Variants in CEP131 observed in about 807,000 individuals in gnomAD.
CEP131 encodes the protein centrosomal protein 131.
In CEP131, 99 loss-of-function variants were observed where a neutral mutation model predicts 136.8. The observed-to-expected ratio is 0.72, with a 90% CI of 0.62 to 0.86. The LOEUF is 0.86. Among genes scored for constraint, CEP131 ranks in the 40% least tolerant of loss-of-function variants. The pLI, the probability that CEP131 is intolerant of heterozygous loss-of-function variation, is 0.00. For missense variants in CEP131, 1,459 were observed against 1,463.0 expected (o/e 1.00, Z 0.04); for synonymous variants, 646 against 612.7 (o/e 1.05, Z -0.80).
In CEP131 at chr17:81,190,646, G is replaced by C. The variant is rs1300412717; in HGVS notation, c.3100C>G (p.His1034Asp). 6.3e-7 allele frequency: 1 copy of C among 1,588,938 alleles called. No homozygotes were observed. Among genetic ancestry groups the C allele is most frequent in the South Asian group, 1.1e-5 (1 of 89,296 alleles). ...GCAGCCCCCGCCGCCCACCTCCGGT[G>C]CACCTCCTCCAGCTCCAGCTGCTGG... is the stretch of plus-strand genomic sequence containing the variant. ...ARQQLELEEV[H>D]RRVKTALARK... The change falls in exon 24 of 26, where the codon CAC (histidine) becomes GAC (aspartate). Residue 1034 changes from histidine to aspartate, a missense_variant. Around this residue, in one of 3 missense-constraint regions of CEP131, gnomAD observed 1,026 missense variants for 964.2 expected, o/e 1.06. Coordinates refer to ENST00000450824, the MANE Select transcript of CEP131 (RefSeq NM_014984.4).
chr17:81,203,613 A>G lies in CEP131; in HGVS notation c.516-6T>C, dbSNP rs1200090777. 1.3e-6 allele frequency: 2 copies of G among 1,579,172 alleles called. No homozygotes were observed. Among genetic ancestry groups the G allele is most frequent in the East Asian group, 4.6e-5 (2 of 43,448 alleles). ...CCACTGCTCCCTTGTTGCTCCTGCC[A>G]GGCCGGAAGAGAGACAGGAATGGTC... is the stretch of plus-strand genomic sequence containing the variant. On this transcript the variant is annotated splice_polypyrimidine_tract_variant and splice_region_variant and intron_variant, in intron 5 of 25. Coordinates refer to ENST00000450824, the MANE Select transcript of CEP131 (RefSeq NM_014984.4). The surrounding 1 kb of genome is among the most constrained non-coding windows in gnomAD (Gnocchi z 4.6).
intron 13 of CEP131, 26 bp downstream of exon 13, chr17:81,197,686 C>T (rs1359617057): frequency 6.3e-7 from 1 of 1,590,250 alleles, no homozygotes; most frequent in Non-Finnish European, 8.6e-7. Context: ...CCACTGGGGG[C>T]CGGGTGCGGG....
At position 81,195,857 on chromosome 17, in the gene CEP131, T is replaced by G. The variant is rs2061742739; in HGVS notation, c.1994A>C (p.Gln665Pro). ...EDQRCTERVA[Q>P]AQAQHELEIK... ...CACCAGCTCGTGCTGCGCCTGTGCC[T>G]GGGCCACACGCTCGGTGCATCTCTG... The change falls in exon 16 of 26, where the codon CAG (glutamine) becomes CCG (proline). Residue 665 changes from glutamine to proline, a missense_variant. Around this residue, in one of 3 missense-constraint regions of CEP131, gnomAD observed 1,026 missense variants for 964.2 expected, o/e 1.06. Transcript: ENST00000450824. The G allele has an allele frequency of 1.9e-6, 3 of 1,606,432 alleles. No homozygotes were observed. Among genetic ancestry groups the G allele is most frequent in the Non-Finnish European group, 1.7e-6 (2 of 1,179,838 alleles).
rs1169959761 is a variant in CEP131 at position 81,203,557 on chromosome 17, C to T, written c.566G>A (p.Arg189His). The part of the protein sequence containing the change: ...GNCVTTMVHN[R>H]YTPSERAPPL... Reference sequence around the variant, plus strand: ...AGGCGCCCTCTCCGAGGGGGTGTAGCGGTTGTGCACCATGGTGGTGACGCA... The same window carrying T: ...AGGCGCCCTCTCCGAGGGGGTGTAGTGGTTGTGCACCATGGTGGTGACGCA... The change falls in exon 6 of 26, where the codon CGC becomes CAC. Residue 189 changes from arginine to histidine, a missense_variant. By Grantham distance (29) the Arg-to-His change is conservative. This residue lies in a region of CEP131 where 246 missense variants were observed against 318.9 expected (regional missense o/e 0.77). Transcript: ENST00000450824. The surrounding 1 kb of genome is among the most constrained non-coding windows in gnomAD (Gnocchi z 4.6). 5.0e-6 allele frequency: 8 copies of T among 1,608,054 alleles called. No individual in the cohort carries two copies. Among genetic ancestry groups the T allele is most frequent in the African/African-American group, 1.3e-5 (1 of 74,842 alleles).
At position 81,196,841 on chromosome 17, in the gene CEP131, CAG is replaced by C; in HGVS notation, c.1774-17_1774-16del. The C allele has an allele frequency of 6.3e-7, 1 of 1,597,866 alleles. No individual in the cohort carries two copies. Among genetic ancestry groups the C allele is most frequent in the Non-Finnish European group, 8.5e-7 (1 of 1,173,232 alleles). ...CGCTGCTGCGCCTGCAGGGTGTGGG[CAG>C]AGGAGGGAAGCGCTAGGACCGGTGG... On this transcript the variant is annotated splice_polypyrimidine_tract_variant and intron_variant, in intron 14 of 25. Coordinates refer to ENST00000450824, the MANE Select transcript of CEP131 (RefSeq NM_014984.4).
At chr17:81,202,184 T>G in intron 7 of CEP131, 56 bp downstream of exon 7, 6 of 635,624 alleles carry the variant, frequency 9.4e-6, no homozygotes, top group South Asian at 2.2e-5. Context: ...CCCTGATGCC[T>G]GCCCACCTCT....
chr17:81,212,987 C>G (rs2062168054), intron 2 of CEP131, among the ~76,000 whole-genome samples: 1 of 152,082 alleles, frequency 6.6e-6, no homozygotes, highest in African/African-American at 2.4e-5. Flanking sequence ...GACCACTCTC[C>G]AAGAAAAAGA....
rs1478103431 is a variant in CEP131, at chr17:81,215,876, A to G, written c.177+4004T>C. Among the ~76,000 whole-genome samples the G allele has an allele frequency of 6.6e-6, 1 of 152,176 alleles. No individual in the cohort carries two copies. The highest frequency in any genetic ancestry group is 1.5e-5 in the Non-Finnish European group (1 of 68,030). ...GAAAATCCAGAGGAGCACTGGGTGAAGTTCTGGTGCATCATCTGATGAACT... is the reference window on the plus strand; with the variant it reads ...GAAAATCCAGAGGAGCACTGGGTGAGGTTCTGGTGCATCATCTGATGAACT... On this transcript the variant is annotated intron_variant, in intron 2 of 25. Coordinates refer to ENST00000450824, the MANE Select transcript of CEP131 (RefSeq NM_014984.4). This position sits in a 1 kb window ranked among gnomAD's most constrained non-coding sequence, Gnocchi z 4.1.
At chr17:81,199,926 C>A in intron 8 of CEP131, 91 bp from the exon 9 acceptor site, 1 of 1,307,574 alleles carries the variant, frequency 7.6e-7, no homozygotes. Flanking sequence ...CCCTGGAGTC[C>A]CCTAGAGTTC....
rs2062059179 is a variant in CEP131 at position 81,208,266 on chromosome 17, AG to A, written c.272+661del. 6.6e-6 allele frequency among the ~76,000 whole-genome samples: 1 copy of A among 152,168 alleles called. No individual in the cohort carries two copies. On this transcript the variant is annotated intron_variant, in intron 3 of 25. Coordinates refer to ENST00000450824, the MANE Select transcript of CEP131 (RefSeq NM_014984.4). The surrounding 1 kb of genome is among the most constrained non-coding windows in gnomAD (Gnocchi z 5.6). ...GCCGCAGTTCTTGGTCTTCCCAGGA[AG>A]GGTCCACCCGGGGCCCTTGGTGACC...
chr17:81,203,880 G>A lies in CEP131; in HGVS notation c.516-273C>T. On this transcript the variant is annotated intron_variant, in intron 5 of 25. Transcript: ENST00000450824. This position sits in a 1 kb window ranked among gnomAD's most constrained non-coding sequence, Gnocchi z 4.6. ...ACGCTGGACGTGCCCAAGACGGGGG[G>A]AGCAGCTCAGGCCAGCAGCTCACAA... The A allele has an allele frequency of 2.3e-6, 1 of 433,990 alleles. No individual in the cohort carries two copies. The highest frequency in any genetic ancestry group is 4.2e-6 in the Non-Finnish European group (1 of 238,022). 26.9% of individuals were successfully genotyped at this position (433,990 alleles called of 1,614,324 possible).
At chr17:81,214,736 A>G (rs1347315902) in intron 2 of CEP131, among the ~76,000 whole-genome samples, 1 of 152,090 alleles carries the variant, frequency 6.6e-6, no homozygotes, top group South Asian at 2.1e-4. Flanking sequence ...ACTTAGGGCA[A>G]TGATCTTTAC....
At chr17:81,197,977 C>T in intron 12 of CEP131, 89 bp from the exon 13 acceptor site, 1 of 1,531,478 alleles carries the variant, frequency 6.5e-7, no homozygotes, top group Non-Finnish European at 8.8e-7. Context: ...TGAGGCTGGG[C>T]TCTGGGAGGG....
At chr17:81,217,049 C>T (rs1598325290) in intron 2 of CEP131, among the ~76,000 whole-genome samples, 1 of 152,232 alleles carries the variant, frequency 6.6e-6, no homozygotes, top group South Asian at 2.1e-4. Context: ...GGGCAGGTGG[C>T]CCCCATGGCC....
At chr17:81,207,029 G>A (rs75837809) in intron 4 of CEP131, 96 bp downstream of exon 4, 36,846 of 1,519,332 alleles carry the variant, frequency 0.024, 692 homozygotes, top group East Asian at 0.082. Context: ...CACCCTCCCT[G>A]CAGTGCCCTT....
chr17:81,219,808 AG>A lies in CEP131; in HGVS notation c.177+71del, dbSNP rs2062344150. ...CTTGTTCACCTGTGGAGCTGGACCCAGGGGTCAGATGCCAACTGAACAACAG... is the reference window on the plus strand; with the variant it reads ...CTTGTTCACCTGTGGAGCTGGACCCAGGGTCAGATGCCAACTGAACAACAG... On this transcript the variant is annotated intron_variant, in intron 2 of 25. Transcript: ENST00000450824. The surrounding 1 kb of genome is among the most constrained non-coding windows in gnomAD (Gnocchi z 4.0). The A allele has an allele frequency of 7.0e-7, 1 of 1,422,540 alleles. No homozygotes were observed. The highest frequency in any genetic ancestry group is 2.6e-5 in the East Asian group (1 of 38,136). 88.1% of individuals were successfully genotyped at this position (1,422,540 alleles called of 1,614,324 possible).
At chr17:81,218,995 A>G (rs962818451) in intron 2 of CEP131, among the ~76,000 whole-genome samples, 1 of 152,236 alleles carries the variant, frequency 6.6e-6, no homozygotes, top group African/African-American at 2.4e-5. Context: ...TCGGAAGCTC[A>G]GGCCAGACTC....
intron 5 of CEP131, among the ~76,000 whole-genome samples, chr17:81,206,062 C>T (rs1286031347): frequency 2.0e-5 from 3 of 151,974 alleles, no homozygotes; most frequent in Non-Finnish European, 2.9e-5. Context: ...AAAAATTACT[C>T]GGGCGTGGTG....
chr17:81,189,634 A>C lies in CEP131; in HGVS notation c.*135T>G. The C allele has an allele frequency of 1.2e-6, 1 of 857,568 alleles. No individual in the cohort carries two copies. Among genetic ancestry groups the C allele is most frequent in the Non-Finnish European group, 1.8e-6 (1 of 555,228 alleles). The allele number at this position is 857,568 out of a possible 1,614,324, so 53.1% of individuals were successfully genotyped here. ...CCTCCTTTACTGTTAAAATGCAGCC[A>C]CAGGTGCTTAGCCGTGGGCATCTCA... On this transcript the variant is annotated 3_prime_UTR_variant, in exon 26 of 26. Transcript: ENST00000450824.
Sources: allele counts gnomAD v4.1 joint callset (sites outside exome capture counted in the v4.1 genomes callset), GRCh38; gene constraint gnomAD v4.1.1; regional missense constraint gnomAD v4.1.1; non-coding constraint Gnocchi (gnomAD v3.1); transcripts MANE v1.5; gene names NCBI Gene and HGNC (gene_info 2026-07-23, HGNC 2026-07-21).